NOL4L: variants seen among roughly 807,000 people sequenced by gnomAD.
NOL4L encodes the protein nucleolar protein 4-like.
NOL4L carries 7 observed loss-of-function variants against 64.5 expected under a neutral mutation model. The ratio of observed to expected loss-of-function variants is 0.11; its 90% confidence interval spans 0.06 to 0.20. The LOEUF is 0.20. Ranked by LOEUF, NOL4L falls within the 10% of genes least tolerant of loss-of-function variation. The pLI is 1.00. For synonymous variants in NOL4L, 413 were observed against 401.0 expected (o/e 1.03, Z -0.36); for missense variants, 680 against 967.1 (o/e 0.70, Z 3.94).
chr20:32,497,454 CA>C (rs1271817413), intron 4 of NOL4L, among the ~76,000 whole-genome samples: 4 of 152,172 alleles, frequency 2.6e-5, no homozygotes, highest in African/African-American at 9.7e-5. Flanking sequence ...ACAAAGCCAT[CA>C]GGGGTCCCGC....
rs2012356334 is a variant in NOL4L, at chr20:32,446,903, C to T, written c.*693G>A. On this transcript the variant is annotated 3_prime_UTR_variant, in exon 11 of 11. Transcript: ENST00000621426. ...GTGTGGGTGAGGTCCTCCTGCTTGG[C>T]GTTGCCTAGGGAGGTGCCTGGTGGT... 1 of 244,904 alleles carries T rather than the reference C, an allele frequency of 4.1e-6. No homozygotes were observed. The highest frequency in any genetic ancestry group is 8.1e-6 in the Non-Finnish European group (1 of 123,790). 15.2% of individuals were successfully genotyped at this position (244,904 alleles called of 1,614,324 possible). A position where few individuals can be genotyped will look rare whatever the true frequency, so the allele number is the denominator to read the frequency against.
At chr20:32,497,433 T>C (rs989996738) in intron 4 of NOL4L, among the ~76,000 whole-genome samples, 1 of 152,108 alleles carries the variant, frequency 6.6e-6, no homozygotes, top group Non-Finnish European at 1.5e-5. Flanking sequence ...GTGCCTTAAG[T>C]AGAAGGCTTG....
chr20:32,570,554 G>C (rs1374477650), intron 1 of NOL4L, among the ~76,000 whole-genome samples: 1 of 152,106 alleles, frequency 6.6e-6, no homozygotes, highest in Non-Finnish European at 1.5e-5. Context: ...CAGCACAGGC[G>C]CAGGGATTGA....
chr20:32,484,461 A>G (rs1374038406), intron 4 of NOL4L, among the ~76,000 whole-genome samples: 1 of 145,094 alleles, frequency 6.9e-6, no homozygotes, highest in Non-Finnish European at 1.5e-5. Flanking sequence ...TCTCTTTCCC[A>G]CCACTTAGTT....
chr20:32,518,564 G>A (rs954662161), intron 3 of NOL4L, among the ~76,000 whole-genome samples: 1 of 152,240 alleles, frequency 6.6e-6, no homozygotes, highest in African/African-American at 2.4e-5. Flanking sequence ...GGAGAGGGGA[G>A]CGGATGGCGC....
intron 1 of NOL4L, among the ~76,000 whole-genome samples, chr20:32,567,144 T>A (rs867209723): frequency 2.6e-5 from 4 of 152,116 alleles, no homozygotes; most frequent in Middle Eastern, 6.8e-3. Flanking sequence ...CTTGCCTCCT[T>A]CCCCTCCTGA....
intron 4 of NOL4L, among the ~76,000 whole-genome samples, chr20:32,497,703 C>T (rs1450199287): frequency 6.6e-6 from 1 of 152,182 alleles, no homozygotes; most frequent in African/African-American, 2.4e-5. Flanking sequence ...GCTGCTCCTT[C>T]CTGGCCCAGC....
intron 6 of NOL4L, 66 bp downstream of exon 6, chr20:32,456,052 A>G (rs1047059716): frequency 5.6e-6 from 8 of 1,435,790 alleles, no homozygotes; most frequent in African/African-American, 4.4e-5. Flanking sequence ...GGCGTATACA[A>G]TTTCATTCTC....
rs958718983 is a variant in NOL4L, at chr20:32,444,543, T to G, written c.*3053A>C. 2.0e-5 allele frequency: 3 copies of G among 152,198 alleles called. No individual in the cohort carries two copies. The highest frequency in any genetic ancestry group is 1.5e-5 in the Non-Finnish European group (1 of 68,028). 9.4% of individuals were successfully genotyped at this position (152,198 alleles called of 1,614,324 possible). Reference sequence around the variant, plus strand: ...GTCCCCCTCCCCGTCAGCACTGTCCTTGGGAATAAACTGTCCTTTGTAAGA... The same window carrying G: ...GTCCCCCTCCCCGTCAGCACTGTCCGTGGGAATAAACTGTCCTTTGTAAGA... On this transcript the variant is annotated 3_prime_UTR_variant, in exon 11 of 11. Coordinates refer to ENST00000621426, the MANE Select transcript of NOL4L (RefSeq NM_001256798.2).
intron 1 of NOL4L, 121 bp from the exon 2 acceptor site, chr20:32,528,034 GGAGGGGA>G: frequency 5.8e-6 from 4 of 692,128 alleles, no homozygotes; most frequent in Non-Finnish European, 6.4e-6. Flanking sequence ...CTTGGGGTGG[GGAGGGGA>G]GGGAGCCTAC....
At chr20:32,555,901 C>T (rs903859213) in intron 1 of NOL4L, among the ~76,000 whole-genome samples, 23 of 152,082 alleles carry the variant, frequency 1.5e-4, no homozygotes, top group Non-Finnish European at 1.8e-4. Flanking sequence ...AGGTGGCCTC[C>T]GAGAAGCCCT....
At chr20:32,584,133 G>GCGCACACACACACACACA (rs1555811186) in intron 1 of NOL4L, among the ~76,000 whole-genome samples, 1 of 88,822 alleles carries the variant, frequency 1.1e-5, no homozygotes, top group African/African-American at 5.2e-5. Flanking sequence ...CTCCGCGCGC[G>GCGCACACACACACACACA]CACACACACA....
At chr20:32,459,034 G>A (rs1031163202) in intron 5 of NOL4L, among the ~76,000 whole-genome samples, 6 of 152,218 alleles carry the variant, frequency 3.9e-5, no homozygotes, top group African/African-American at 1.4e-4. Context: ...GCTGGGGATC[G>A]ACAGGCACTA....
chr20:32,512,050 A>C (rs7268325), intron 3 of NOL4L, among the ~76,000 whole-genome samples: 8,494 of 152,022 alleles, frequency 0.056, 499 homozygotes, highest in African/African-American at 0.15. Context: ...ACCCACCCCC[A>C]CAACACACAC....
intron 4 of NOL4L, among the ~76,000 whole-genome samples, chr20:32,497,625 T>A (rs1227495592): frequency 2.0e-5 from 3 of 152,164 alleles, no homozygotes; most frequent in African/African-American, 7.2e-5. Flanking sequence ...GAATCCCTTC[T>A]GGGTCTTGGT....
intron 1 of NOL4L, among the ~76,000 whole-genome samples, chr20:32,568,985 G>A (rs543989550): frequency 1.3e-5 from 2 of 152,318 alleles, no homozygotes; most frequent in East Asian, 1.9e-4. Context: ...CAAGGCTTGA[G>A]GCATTCATTT....
intron 4 of NOL4L, among the ~76,000 whole-genome samples, chr20:32,505,449 G>A (rs553070323): frequency 5.9e-5 from 9 of 152,272 alleles, no homozygotes; most frequent in East Asian, 5.8e-4. Context: ...TTGGTCAGGC[G>A]CAATAGCACA....
chr20:32,529,925 A>C (rs2018283026), intron 1 of NOL4L, among the ~76,000 whole-genome samples: 2 of 152,164 alleles, frequency 1.3e-5, no homozygotes, highest in South Asian at 4.1e-4. Context: ...AAGTTCCATG[A>C]CTTTTCTGCT....
At chr20:32,580,502 C>T (rs145012678) in intron 1 of NOL4L, among the ~76,000 whole-genome samples, 16 of 152,284 alleles carry the variant, frequency 1.1e-4, no homozygotes, top group Non-Finnish European at 1.6e-4. Flanking sequence ...ACTAAATGAA[C>T]GTTGTTGCAA....
Sources: allele counts gnomAD v4.1 joint callset (sites outside exome capture counted in the v4.1 genomes callset), GRCh38; gene constraint gnomAD v4.1.1; transcripts MANE v1.5; gene names NCBI Gene and HGNC (gene_info 2026-07-23, HGNC 2026-07-21).